TSPAN11: variants seen among roughly 807,000 people sequenced by gnomAD.
TSPAN11 encodes tetraspanin 11, also known as tetraspanin-11.
TSPAN11 carries 29 observed loss-of-function variants against 32.9 expected under a neutral mutation model. That is an observed-to-expected ratio of 0.88 (90% CI 0.66 to 1.20). The LOEUF is 1.20. Ranked by LOEUF, TSPAN11 falls within the 50% of genes most tolerant of loss-of-function variation. TSPAN11 has a pLI of 0.00. For synonymous variants in TSPAN11, 140 were observed against 141.3 expected (o/e 0.99, Z 0.07); for missense variants, 283 against 329.1 (o/e 0.86, Z 1.08).
chr12:30,968,912 C>T (rs1408236086), intron 3 of TSPAN11, among the ~76,000 whole-genome samples: 1 of 152,176 alleles, frequency 6.6e-6, no homozygotes, highest in Non-Finnish European at 1.5e-5. Context: ...CCTTGCCTAG[C>T]TTGCTCTGGG....
Position 30,950,028 on chromosome 12 carries a change from TAC to T in TSPAN11, c.-11-3946_-11-3945del, listed in dbSNP as rs554770641. ...TTAGAATCTTTCCTCCCCTGCCTCT[TAC>T]ACACACTGCCTGCCTGATGGGACCT... On this transcript the variant is annotated intron_variant, in intron 1 of 7. Transcript: ENST00000546076. 7.7e-3 allele frequency among the ~76,000 whole-genome samples: 1,174 copies of T among 152,166 alleles called. 18 individuals are homozygous for T. The highest frequency in any genetic ancestry group is 0.027 in the African/African-American group (1,131 of 41,516).
In TSPAN11 at chr12:30,958,918, G is replaced by A. The variant is rs373730505; in HGVS notation, c.84+4843G>A. ...CATCAGTCTGACCTTAAGATACCGA[G>A]GGCGCAACCCCAGCCTTTCCAGGAG... On this transcript the variant is annotated intron_variant, in intron 2 of 7. Transcript: ENST00000546076. Among the ~76,000 whole-genome samples the A allele has an allele frequency of 1.3e-5, 2 of 152,102 alleles. 1 individual carries two copies. Among genetic ancestry groups the A allele is most frequent in the African/African-American group, 4.8e-5 (2 of 41,422 alleles).
At chr12:30,937,431 G>T (rs182696837) in intron 1 of TSPAN11, among the ~76,000 whole-genome samples, 1 of 151,952 alleles carries the variant, frequency 6.6e-6, no homozygotes, top group African/African-American at 2.4e-5. Context: ...GCGTACTTTT[G>T]GGGGGGCGGC....
chr12:30,984,552 C>CTTT (rs55772956), intron 7 of TSPAN11, among the ~76,000 whole-genome samples: 4,577 of 68,630 alleles, frequency 0.067, 612 homozygotes, highest in East Asian at 0.19. Context: ...TCGCTTTTTG[C>CTTT]TTTTTTTTTT....
chr12:30,943,963 G>C (rs1938217012), intron 1 of TSPAN11, among the ~76,000 whole-genome samples: 1 of 152,156 alleles, frequency 6.6e-6, no homozygotes, highest in African/African-American at 2.4e-5. Context: ...TTCCTTTCCA[G>C]CTGTCTTTGG....
At chr12:30,984,590 ACT>A (rs1310639427) in intron 7 of TSPAN11, among the ~76,000 whole-genome samples, 2 of 113,862 alleles carry the variant, frequency 1.8e-5, no homozygotes, top group African/African-American at 7.2e-5. Flanking sequence ...CGACAGTCTC[ACT>A]CTGTTGCCCA....
At chr12:30,937,944 T>C (rs1459802694) in intron 1 of TSPAN11, among the ~76,000 whole-genome samples, 3 of 152,194 alleles carry the variant, frequency 2.0e-5, no homozygotes, top group African/African-American at 7.2e-5. Flanking sequence ...ATTGTGGCAA[T>C]GTGCATGAGC....
At position 30,964,035 on chromosome 12, in the gene TSPAN11, G is replaced by T. The variant is rs566195476; in HGVS notation, c.276+18G>T. ...TCTCCACGGTCAGTGCCCGCCCTGT[G>T]CTCTGCAGGGATGGGGAGCCCTGCA... On this transcript the variant is annotated intron_variant, in intron 3 of 7. Transcript: ENST00000546076. 1.9e-6 allele frequency: 3 copies of T among 1,609,550 alleles called. No homozygotes were observed. Among genetic ancestry groups the T allele is most frequent in the Admixed American group, 3.3e-5 (2 of 59,916 alleles).
intron 2 of TSPAN11, chr12:30,955,149 G>A (rs1938455017): frequency 6.6e-6 from 1 of 152,204 alleles, no homozygotes; most frequent in African/African-American, 2.4e-5. Flanking sequence ...GAGTCTTGGA[G>A]AATAAACCAG....
chr12:30,986,344 C>T (rs1939200194), intron 7 of TSPAN11, among the ~76,000 whole-genome samples: 1 of 152,188 alleles, frequency 6.6e-6, no homozygotes, highest in South Asian at 2.1e-4. Context: ...CCCTTAGTGT[C>T]CTTACCTGTA....
chr12:31,011,966 C>T, the TSPAN11 span, among the ~76,000 whole-genome samples: 2 of 152,352 alleles, frequency 1.3e-5, no homozygotes, highest in Admixed American at 6.5e-5. Flanking sequence ...AAGCCCAGGT[C>T]AGTCCGGGGT....
chr12:30,960,078 T>C (rs1394595511), intron 2 of TSPAN11, among the ~76,000 whole-genome samples: 1 of 129,556 alleles, frequency 7.7e-6, no homozygotes, highest in Non-Finnish European at 1.5e-5. Context: ...GGCACATGGT[T>C]GTCATTGAGA....
chr12:30,977,542 T>G (rs771827560), intron 3 of TSPAN11, among the ~76,000 whole-genome samples: 3 of 152,104 alleles, frequency 2.0e-5, no homozygotes, highest in Non-Finnish European at 2.9e-5. Flanking sequence ...GCTCCCCCTC[T>G]CTCCTCTCTT....
At chr12:30,937,167 TG>T (rs765030588) in intron 1 of TSPAN11, among the ~76,000 whole-genome samples, 6 of 152,108 alleles carry the variant, frequency 3.9e-5, no homozygotes, top group Non-Finnish European at 5.9e-5. Flanking sequence ...GAAGTGACTT[TG>T]GGTTAAGTGG....
the TSPAN11 span, among the ~76,000 whole-genome samples, chr12:31,006,192 C>A: frequency 0.034 from 5,238 of 152,270 alleles, 311 homozygotes; most frequent in African/African-American, 0.12. Context: ...CATGGCCAAG[C>A]TATCATCTAG....
chr12:31,000,200 A>C (rs1190379705), downstream of TSPAN11, among the ~76,000 whole-genome samples: 4 of 152,162 alleles, frequency 2.6e-5, no homozygotes, highest in Non-Finnish European at 5.9e-5. Flanking sequence ...GCTTCTGTGG[A>C]ATATTGAGTG....
chr12:30,991,076 G>A (rs1324977688), intron 7 of TSPAN11, among the ~76,000 whole-genome samples: 11 of 152,162 alleles, frequency 7.2e-5, no homozygotes, highest in East Asian at 5.8e-4. Context: ...GTGAGAAGGC[G>A]GTGTGCAGGG....
At chr12:30,930,997 T>C (rs916275255) in intron 1 of TSPAN11, among the ~76,000 whole-genome samples, 1 of 152,172 alleles carries the variant, frequency 6.6e-6, no homozygotes, top group Admixed American at 6.5e-5. Context: ...ATACCAAGAA[T>C]TGAGGATGTT....
rs557708661 is a variant in TSPAN11, at chr12:30,940,770, C to G, written c.-11-13211C>G. Reference sequence around the variant, plus strand: ...GCTTACAAGGCAGGGGTCCCTGACCCCCAGATCATGCCCCAGTAGGAACCA... The same window carrying G: ...GCTTACAAGGCAGGGGTCCCTGACCGCCAGATCATGCCCCAGTAGGAACCA... On this transcript the variant is annotated intron_variant, in intron 1 of 7. Coordinates refer to ENST00000546076, the MANE Select transcript of TSPAN11 (RefSeq NM_001370302.1). Among the ~76,000 whole-genome samples the G allele has an allele frequency of 3.3e-5, 5 of 152,258 alleles. No individual in the cohort carries two copies. In the East Asian group the frequency reaches 7.7e-4, roughly 24 times the overall value.
Sources: allele counts gnomAD v4.1 joint callset (sites outside exome capture counted in the v4.1 genomes callset), GRCh38; gene constraint gnomAD v4.1.1; transcripts MANE v1.5; gene names NCBI Gene and HGNC (gene_info 2026-07-23, HGNC 2026-07-21).